The following H1-8 variants were observed in gnomAD, a reference collection of about 807,000 sequenced individuals.
H1-8 encodes the protein histone H1.8.
Under a neutral mutation model 19.5 loss-of-function variants are expected in H1-8, and 13 were observed. The observed-to-expected ratio is 0.67, with a 90% CI of 0.43 to 1.06. H1-8 has a LOEUF of 1.06. H1-8 is among the 50% of genes least tolerant of loss of function. The probability of loss-of-function intolerance (pLI) is 0.00; values close to 1 mark genes in which losing one functional copy is unlikely to be tolerated. For synonymous variants in H1-8, 193 were observed against 187.6 expected (o/e 1.03, Z -0.24); for missense variants, 432 against 459.8 (o/e 0.94, Z 0.55).
Position 129,548,901 on chromosome 3 carries a change from C to G in H1-8, c.379-100C>G, listed in dbSNP as rs1041032727. On this transcript the variant is annotated intron_variant, in intron 2 of 4. Transcript: ENST00000324382. ...TGCCTCTCACTGCCTGTGGAGCCCC[C>G]CTGTTTGGAACGAGGCCTCCCATTC... 4 of 1,459,544 alleles carry G rather than the reference C, an allele frequency of 2.7e-6. No individual in the cohort carries two copies. The South Asian group carries it at 4.3e-5, about 16-fold the overall frequency. The allele number at this position is 1,459,544 out of a possible 1,614,324, so 90.4% of individuals were successfully genotyped here.
Position 129,549,008 on chromosome 3 carries a change from CCAAGCA to C in H1-8, c.391_396del (p.His131_Lys132del). The C allele has an allele frequency of 6.2e-7, 1 of 1,606,598 alleles. No individual in the cohort carries two copies. Among genetic ancestry groups the C allele is most frequent in the East Asian group, 2.2e-5 (1 of 44,822 alleles). ...CCCCGTGTCCTTCTCCAGTTAGTTC[CCAAGCA>C]CAAGAAGAAAATCCAGCCCAGGAAG... On this transcript the variant is annotated inframe_deletion, in exon 3 of 5. Transcript: ENST00000324382.
At chr3:129,548,337 A>G (rs1204568576) in intron 2 of H1-8, 1 of 985,848 alleles carries the variant, frequency 1.0e-6, no homozygotes, top group Non-Finnish European at 1.2e-6. Context: ...CAGATCACAG[A>G]AAGTCCCACC....
intron 2 of H1-8, chr3:129,548,351 G>A (rs1217695268): frequency 1.0e-6 from 1 of 985,958 alleles, no homozygotes; most frequent in Admixed American, 6.1e-5. Context: ...TCCCACCCTG[G>A]TAGAACTCCT....
In H1-8 at chr3:129,549,149, C is replaced by T. The variant is rs757749200; in HGVS notation, c.527C>T (p.Ala176Val). 4 of 1,569,512 alleles carry T rather than the reference C, an allele frequency of 2.5e-6. No individual in the cohort carries two copies. Among genetic ancestry groups the T allele is most frequent in the Non-Finnish European group, 8.6e-7 (1 of 1,156,446 alleles). ...CCCAACGTGGGCAAGGTGAAAAAGG[C>T]AGCCAAGAGGCCAGCAAAGGTGCAG... ...DPPNVGKVKK[A>V]AKRPAKVQKP... Residue 176 changes from alanine (A) to valine (V), a missense_variant, in exon 3 of 5, where the codon GCA (alanine) becomes GTA (valine). Coordinates refer to ENST00000324382, the MANE Select transcript of H1-8 (RefSeq NM_153833.3).
At chr3:129,543,751 A>G (rs1312831374) in intron 1 of H1-8, among the ~76,000 whole-genome samples, 1 of 152,152 alleles carries the variant, frequency 6.6e-6, no homozygotes, top group Non-Finnish European at 1.5e-5. Flanking sequence ...ACCGAGGCAA[A>G]CCAGGCCCAG....
chr3:129,547,170 C>A (rs920580338), intron 1 of H1-8, among the ~76,000 whole-genome samples: 3 of 152,172 alleles, frequency 2.0e-5, no homozygotes, highest in African/African-American at 7.2e-5. Flanking sequence ...GCACTCCAGC[C>A]TGGGGACATA....
At chr3:129,549,633 G>A (rs1187968680) in intron 3 of H1-8, among the ~76,000 whole-genome samples, 1 of 150,714 alleles carries the variant, frequency 6.6e-6, no homozygotes, top group Non-Finnish European at 1.5e-5. Context: ...GGAAGGGCCT[G>A]TGTAAAGGCC....
intron 1 of H1-8, among the ~76,000 whole-genome samples, chr3:129,544,385 G>A (rs2084873385): frequency 6.6e-6 from 1 of 152,102 alleles, no homozygotes; most frequent in Non-Finnish European, 1.5e-5. Flanking sequence ...GCAGTGGGGA[G>A]GAGGCTGGGG....
chr3:129,548,209 C>A, intron 2 of H1-8: 1 of 421,270 alleles, frequency 2.4e-6, no homozygotes, highest in Non-Finnish European at 3.2e-6. Flanking sequence ...CTTGTCATTG[C>A]TGGGTCCCCT....
At position 129,547,686 on chromosome 3, in the gene H1-8, C is replaced by A. The variant is rs778529738; in HGVS notation, c.378+6C>A. ...GGGCCACTGGCAGCTTCAAAGTAAG[C>A]GCCCCTGAGGGAGGACATAGCCCAG... On this transcript the variant is annotated splice_donor_region_variant and intron_variant, in intron 2 of 4. Transcript: ENST00000324382. The A allele has an allele frequency of 6.5e-7, 1 of 1,536,508 alleles. No homozygotes were observed. The highest frequency in any genetic ancestry group is 2.0e-5 in the Admixed American group (1 of 49,916).
At chr3:129,545,804 C>T (rs2084882400) in intron 1 of H1-8, among the ~76,000 whole-genome samples, 1 of 152,122 alleles carries the variant, frequency 6.6e-6, no homozygotes, top group Non-Finnish European at 1.5e-5. Context: ...GGGTAGCGAC[C>T]ACATTTTGTT....
rs746217645 is a variant in H1-8 at position 129,549,168 on chromosome 3, G to T, written c.546G>T (p.Lys182Asn). Residue 182 changes from lysine to asparagine, a missense_variant, in exon 3 of 5, where the codon AAG becomes AAT. Coordinates refer to ENST00000324382, the MANE Select transcript of H1-8 (RefSeq NM_153833.3). The stretch of plus-strand genomic sequence containing the variant: ...AAAAGGCAGCCAAGAGGCCAGCAAA[G>T]GTGCAGAAGCCTCCTCCCAAGCCAG... ...KVKKAAKRPA[K>N]VQKPPPKPGA... The T allele has an allele frequency of 6.4e-7, 1 of 1,565,146 alleles. No individual in the cohort carries two copies. Among genetic ancestry groups the T allele is most frequent in the Non-Finnish European group, 8.7e-7 (1 of 1,154,126 alleles).
At chr3:129,547,714 T>C (rs1315687594) in intron 2 of H1-8, 34 bp downstream of exon 2, 3 of 1,508,008 alleles carry the variant, frequency 2.0e-6, no homozygotes, top group Admixed American at 2.2e-5. Flanking sequence ...TAGCCCAGGG[T>C]TGGAGCAATG....
rs765813624 is a variant in H1-8, at chr3:129,550,821, C to A, written c.807+12C>A. 6.2e-7 allele frequency: 1 copy of A among 1,609,354 alleles called. No homozygotes were observed. ...CCACGGCCAGCAAGGTAGGTGCCTG[C>A]ATGAATTTCCTGGCCTGGCTGCCTG... On this transcript the variant is annotated intron_variant, in intron 4 of 4. Coordinates refer to ENST00000324382, the MANE Select transcript of H1-8 (RefSeq NM_153833.3).
chr3:129,549,401 G>T, intron 3 of H1-8, 37 bp downstream of exon 3: 1 of 1,534,214 alleles, frequency 6.5e-7, no homozygotes, highest in South Asian at 1.3e-5. Flanking sequence ...TGTGGGGATG[G>T]GGGTCTTGAC....
At chr3:129,546,954 C>A (rs2084893218) in intron 1 of H1-8, among the ~76,000 whole-genome samples, 1 of 152,182 alleles carries the variant, frequency 6.6e-6, no homozygotes, top group South Asian at 2.1e-4. Context: ...AATCCCAGCA[C>A]TTTGGGAGGC....
chr3:129,551,110 A>G lies in H1-8; in HGVS notation c.811A>G (p.Lys271Glu). ...CTCCTGGTTTGCTTTCGTATAGGTC[A>G]AGAATGGTGCTGCTTCCCCGACCAA... The part of the protein sequence containing the change: ...KSSKPTASKV[K>E]NGAASPTKKK... The change falls in exon 5 of 5, where the codon AAG becomes GAG. Residue 271 changes from lysine to glutamate, a missense_variant. Physicochemically the swap from Lys to Glu is moderately conservative, Grantham distance 56 (BLOSUM62 1). Coordinates refer to ENST00000324382, the MANE Select transcript of H1-8 (RefSeq NM_153833.3). The G allele has an allele frequency of 6.2e-7, 1 of 1,613,046 alleles. No homozygotes were observed.
intron 3 of H1-8, among the ~76,000 whole-genome samples, chr3:129,549,687 C>T (rs1332759244): frequency 6.6e-6 from 1 of 151,898 alleles, no homozygotes; most frequent in Non-Finnish European, 1.5e-5. Context: ...GGCATGGTGG[C>T]TCATGCCTGT....
At chr3:129,543,411 C>A (rs2084866071) in intron 1 of H1-8, 105 bp downstream of exon 1, 1 of 824,942 alleles carries the variant, frequency 1.2e-6, no homozygotes, top group South Asian at 1.6e-5. Flanking sequence ...CTGGCCCCAG[C>A]ACCTACCCAG....
Sources: allele counts gnomAD v4.1 joint callset (sites outside exome capture counted in the v4.1 genomes callset), GRCh38; gene constraint gnomAD v4.1.1; transcripts MANE v1.5; gene names NCBI Gene and HGNC (gene_info 2026-07-23, HGNC 2026-07-21).